The following SNAPC3 variants were observed in gnomAD, a reference collection of about 807,000 sequenced individuals.
The protein encoded by SNAPC3 is snRNA-activating protein complex subunit 3.
A neutral mutation model predicts 47.7 loss-of-function variants in SNAPC3; 56 were observed. The ratio of observed to expected loss-of-function variants is 1.18; its 90% CI spans 0.95 to 1.47. SNAPC3 has a LOEUF of 1.47. Ranked by LOEUF, SNAPC3 falls within the 40% of genes most tolerant of loss-of-function variation. The pLI is 0.00. For synonymous variants in SNAPC3, 235 were observed against 189.9 expected, an observed-to-expected ratio of 1.24 and a Z score of -1.95; for missense variants, 665 against 511.3, an observed-to-expected ratio of 1.30 and a Z score of -2.90.
downstream of SNAPC3, chr9:15,465,899 T>C (rs1053120033): frequency 2.0e-5 from 5 of 245,218 alleles, no homozygotes; most frequent in Non-Finnish European, 3.1e-5. Flanking sequence ...GAATGTTTTA[T>C]ATCTGTGATA....
chr9:15,455,502 G>A (rs1400166541), intron 7 of SNAPC3, among the ~76,000 whole-genome samples: 3 of 152,112 alleles, frequency 2.0e-5, no homozygotes, highest in Admixed American at 2.0e-4. Context: ...GGGAAGCGGA[G>A]GTTGCAATGA....
At position 15,423,036 on chromosome 9, in the gene SNAPC3, G is replaced by A. The variant is rs564855753; in HGVS notation, c.157G>A (p.Gly53Ser). Reference sequence around the variant, plus strand: ...GGGCGCCTTTGGGGAGCTGTGGCGGGGCCGTCTGCGCGGGGCCGGGGACTT... The same window carrying A: ...GGGCGCCTTTGGGGAGCTGTGGCGGAGCCGTCTGCGCGGGGCCGGGGACTT... Reference protein sequence around the residue: ...HVGAFGELWRGRLRGAGDLSL... With the variant: ...HVGAFGELWRSRLRGAGDLSL... The change falls in exon 1 of 9, where the codon GGC becomes AGC. Residue 53 changes from glycine (G) to serine (S), a missense_variant. Gly to Ser is a moderately conservative substitution (Grantham distance 56). Coordinates refer to ENST00000380821, the MANE Select transcript of SNAPC3 (RefSeq NM_001039697.2). The A allele has an allele frequency of 6.6e-7, 1 of 1,523,964 alleles. No homozygotes were observed. The highest frequency in any genetic ancestry group is 1.3e-5 in the South Asian group (1 of 79,790). 94.4% of individuals were successfully genotyped at this position (1,523,964 alleles called of 1,614,324 possible). A position where few individuals can be genotyped will look rare whatever the true frequency, so the allele number is the denominator to read the frequency against.
intron 2 of SNAPC3, among the ~76,000 whole-genome samples, chr9:15,428,907 A>G (rs914871821): frequency 6.6e-6 from 1 of 152,206 alleles, no homozygotes; most frequent in Non-Finnish European, 1.5e-5. Context: ...TCCCTGAAGA[A>G]GAAAAAGAAA....
Position 15,459,841 on chromosome 9 carries a change from A to T in SNAPC3, c.1211A>T (p.Tyr404Phe), listed in dbSNP as rs779616793. ...NKLGEFLAYP[Y>F]VDPGTFN is the part of the protein sequence containing the mutation. ...CTGGGGGAATTCCTTGCTTATCCTTATGTTGATCCTGGAACCTTTAATTAA... is the reference window on the plus strand; with the variant it reads ...CTGGGGGAATTCCTTGCTTATCCTTTTGTTGATCCTGGAACCTTTAATTAA... Residue 404 changes from tyrosine to phenylalanine, a missense_variant, in exon 9 of 9, where the codon TAT becomes TTT. Tyr to Phe is a conservative substitution (Grantham distance 22). Transcript: ENST00000380821. 3.1e-6 allele frequency: 5 copies of T among 1,613,636 alleles called. No individual in the cohort carries two copies. The South Asian group carries it at 5.5e-5, about 18-fold the overall frequency.
At chr9:15,453,908 T>C (rs1305099640) in intron 7 of SNAPC3, among the ~76,000 whole-genome samples, 1 of 152,224 alleles carries the variant, frequency 6.6e-6, no homozygotes, top group Admixed American at 6.5e-5. Context: ...AACCAGTAAT[T>C]ACTGGTATTA....
At chr9:15,440,873 C>T (rs1474680828) in intron 3 of SNAPC3, among the ~76,000 whole-genome samples, 3 of 147,210 alleles carry the variant, frequency 2.0e-5, no homozygotes, top group Admixed American at 7.1e-5. Context: ...GGCATGAACC[C>T]GGGAGGCGGA....
chr9:15,423,684 A>C (rs78048107), intron 1 of SNAPC3, among the ~76,000 whole-genome samples: 12,370 of 152,222 alleles, frequency 0.081, 685 homozygotes, highest in Non-Finnish European at 0.13. Context: ...TATAAAAATA[A>C]CTTTAATCTC....
intron 6 of SNAPC3, among the ~76,000 whole-genome samples, chr9:15,452,321 C>CA (rs1554650307): frequency 3.0e-5 from 2 of 65,694 alleles, no homozygotes; most frequent in Non-Finnish European, 6.8e-5. Flanking sequence ...TTGGTTTCAG[C>CA]ATTTTTTTTT....
At chr9:15,458,150 A>G in intron 8 of SNAPC3, 83 bp downstream of exon 8, 2 of 703,288 alleles carry the variant, frequency 2.8e-6, no homozygotes, top group Non-Finnish European at 4.7e-6. Context: ...TGGATCTAAG[A>G]ATATTTGTAC....
At chr9:15,465,545 A>T (rs141196278), downstream of SNAPC3, 6 of 1,583,928 alleles carry the variant, frequency 3.8e-6, no homozygotes, top group African/African-American at 5.4e-5. Flanking sequence ...AGAATCCTTC[A>T]GAGATATTTC....
At chr9:15,459,588 G>C in intron 8 of SNAPC3, 131 bp from the exon 9 acceptor site, 1 of 681,878 alleles carries the variant, frequency 1.5e-6, no homozygotes, top group Non-Finnish European at 2.5e-6. Flanking sequence ...AAAATTAAGG[G>C]ATTATTATGC....
chr9:15,456,780 A>T (rs1280511596), intron 7 of SNAPC3, among the ~76,000 whole-genome samples: 4 of 152,070 alleles, frequency 2.6e-5, no homozygotes, highest in Non-Finnish European at 4.4e-5. Flanking sequence ...TTATTTTTTT[A>T]AATGGTTTAC....
intron 5 of SNAPC3, among the ~76,000 whole-genome samples, chr9:15,448,268 A>G (rs140780317): frequency 2.0e-5 from 3 of 152,166 alleles, no homozygotes; most frequent in East Asian, 3.9e-4. Flanking sequence ...GCTGACATAT[A>G]AGGCCTTTTA....
chr9:15,465,750 T>A, downstream of SNAPC3: 1 of 540,138 alleles, frequency 1.9e-6, no homozygotes, highest in Non-Finnish European at 3.2e-6. Flanking sequence ...TTTTTCTTCT[T>A]CAAAACTGTT....
At chr9:15,452,657 G>A (rs996263559) in intron 6 of SNAPC3, among the ~76,000 whole-genome samples, 1 of 152,156 alleles carries the variant, frequency 6.6e-6, no homozygotes, top group African/African-American at 2.4e-5. Flanking sequence ...AGACCCCAAT[G>A]AGCTACTGCT....
intron 2 of SNAPC3, among the ~76,000 whole-genome samples, chr9:15,432,170 G>A (rs781739660): frequency 7.2e-5 from 11 of 152,128 alleles, no homozygotes; most frequent in Non-Finnish European, 1.3e-4. Context: ...GGAGAAAGAC[G>A]TTATAAACAA....
chr9:15,435,813 C>T (rs1311541846), intron 3 of SNAPC3, among the ~76,000 whole-genome samples: 2 of 143,842 alleles, frequency 1.4e-5, no homozygotes, highest in Non-Finnish European at 3.0e-5. Flanking sequence ...TTATCCCATT[C>T]TATATGTTGT....
At chr9:15,451,454 G>A (rs763869483) in intron 6 of SNAPC3, 52 bp downstream of exon 6, 1 of 827,696 alleles carries the variant, frequency 1.2e-6, no homozygotes, top group Admixed American at 2.3e-5. Context: ...AGTTATCAAA[G>A]TAGTGTTATC....
At position 15,442,454 on chromosome 9, in the gene SNAPC3, C is replaced by T. The variant is rs549405370; in HGVS notation, c.478-2148C>T. On this transcript the variant is annotated intron_variant, in intron 3 of 8. Transcript: ENST00000380821. ...GCGGAGGGCCTCCTCACTTCTCAGA[C>T]GGGGCGGCTGCTGGGCGGAGGGGCT... Among the ~76,000 whole-genome samples, 44 of 150,038 alleles carry T rather than the reference C, an allele frequency of 2.9e-4. No homozygotes were observed. In the South Asian group the frequency reaches 4.7e-3, roughly 16 times the overall value.
Sources: allele counts gnomAD v4.1 joint callset (sites outside exome capture counted in the v4.1 genomes callset), GRCh38; gene constraint gnomAD v4.1.1; transcripts MANE v1.5; gene names NCBI Gene and HGNC (gene_info 2026-07-23, HGNC 2026-07-21).